MMP26: variants seen among roughly 807,000 people sequenced by gnomAD.
The protein encoded by MMP26 is matrix metallopeptidase 26, also known as matrix metalloproteinase-26.
MMP26 carries 33 observed loss-of-function variants against 31.0 expected under a neutral mutation model. The ratio of observed to expected loss-of-function variants is 1.06; its 90% CI spans 0.81 to 1.42. The LOEUF (loss-of-function observed/expected upper bound fraction) is 1.42. MMP26 is among the 40% of genes most tolerant of loss of function. The pLI is 0.00. For missense variants in MMP26, 347 were observed against 316.1 expected, an observed-to-expected ratio of 1.10 and a Z score of -0.74; for synonymous variants, 122 against 114.9, an observed-to-expected ratio of 1.06 and a Z score of -0.40.
At chr11:4,749,075 G>T (rs1479721431) in intron 1 of MMP26, among the ~76,000 whole-genome samples, 1 of 152,022 alleles carries the variant, frequency 6.6e-6, no homozygotes, top group African/African-American at 2.4e-5. Flanking sequence ...TCCTAGATTT[G>T]ATAAATACAT....
chr11:4,937,481 T>C (rs965300516), intron 2 of MMP26: 1 of 152,924 alleles, frequency 6.5e-6, no homozygotes, highest in Admixed American at 6.6e-5. Flanking sequence ...ACGTGGATCA[T>C]AGGAGACACA....
intron 2 of MMP26, among the ~76,000 whole-genome samples, chr11:4,881,238 A>G (rs1316875333): frequency 6.6e-6 from 1 of 152,090 alleles, no homozygotes; most frequent in Non-Finnish European, 1.5e-5. Context: ...AGCAAACGGA[A>G]CCACTGTCTC....
chr11:4,737,948 C>T, intron 1 of MMP26, among the ~76,000 whole-genome samples: 1 of 152,184 alleles, frequency 6.6e-6, no homozygotes, highest in East Asian at 1.9e-4. Context: ...TCCTGAGTGG[C>T]TAGGACTACA....
Position 4,827,041 on chromosome 11 carries a change from T to C in MMP26, c.-145+59700T>C, listed in dbSNP as rs546729041. Reference sequence around the variant, plus strand: ...GATATTTCATCATTCAGTGTCAGTCTTGGGGCAAGAAACAAGAGGTACATG... The same window carrying C: ...GATATTTCATCATTCAGTGTCAGTCCTGGGGCAAGAAACAAGAGGTACATG... On this transcript the variant is annotated intron_variant, in intron 2 of 7. Transcript: ENST00000380390. Among the ~76,000 whole-genome samples, 8 of 151,676 alleles carry C rather than the reference T, an allele frequency of 5.3e-5. 1 individual carries two copies. The East Asian group carries it at 1.5e-3, about 29-fold the overall frequency.
intron 2 of MMP26, chr11:4,915,615 A>C (rs774538015): frequency 6.2e-7 from 1 of 1,614,028 alleles, no homozygotes; most frequent in South Asian, 1.1e-5. Flanking sequence ...CTCAGCAGGA[A>C]GGTAGCAGAA....
chr11:4,821,399 C>A, intron 2 of MMP26: 1 of 1,613,248 alleles, frequency 6.2e-7, no homozygotes, highest in Middle Eastern at 1.7e-4. Context: ...ACTGAAACAT[C>A]CCTGTCTTCT....
chr11:4,932,250 G>A (rs1234663037), intron 2 of MMP26, among the ~76,000 whole-genome samples: 1 of 152,066 alleles, frequency 6.6e-6, no homozygotes, highest in Non-Finnish European at 1.5e-5. Context: ...TGTATAAACG[G>A]CAGCTCCAAA....
At chr11:4,946,270 C>T in intron 2 of MMP26, 1 of 1,613,898 alleles carries the variant, frequency 6.2e-7, no homozygotes, top group South Asian at 1.1e-5. Flanking sequence ...GAACATTTGC[C>T]ATGAGAACAT....
At chr11:4,935,836 A>G (rs1176783735) in intron 2 of MMP26, among the ~76,000 whole-genome samples, 1 of 151,492 alleles carries the variant, frequency 6.6e-6, no homozygotes, top group Non-Finnish European at 1.5e-5. Flanking sequence ...TGAGATAATC[A>G]TGTGATTTTT....
intron 2 of MMP26, among the ~76,000 whole-genome samples, chr11:4,888,733 G>C (rs1480420424): frequency 6.6e-6 from 1 of 152,108 alleles, no homozygotes; most frequent in African/African-American, 2.4e-5. Context: ...AAGAATTCCT[G>C]GTTCTACTTA....
At position 4,897,434 on chromosome 11, in the gene MMP26, G is replaced by A. The variant is rs553455148; in HGVS notation, c.-144-90634G>A. ...ATTACAGGCATAAGCCATCATGCCC[G>A]GCCTATATTTTTAATCCATTGTGAC... On this transcript the variant is annotated intron_variant, in intron 2 of 7. Coordinates refer to ENST00000380390, the MANE Select transcript of MMP26 (RefSeq NM_021801.5). Among the ~76,000 whole-genome samples, 4 of 152,180 alleles carry A rather than the reference G, an allele frequency of 2.6e-5. No homozygotes were observed. In the South Asian group the frequency reaches 6.2e-4, roughly 24 times the overall value.
At chr11:4,786,121 G>A (rs1337449781) in intron 2 of MMP26, among the ~76,000 whole-genome samples, 1 of 152,078 alleles carries the variant, frequency 6.6e-6, no homozygotes, top group Non-Finnish European at 1.5e-5. Flanking sequence ...TCCTCTCTCA[G>A]CCTGGGTGTG....
At chr11:4,777,022 T>A (rs1013977951) in intron 2 of MMP26, among the ~76,000 whole-genome samples, 2 of 152,192 alleles carry the variant, frequency 1.3e-5, no homozygotes, top group African/African-American at 2.4e-5. Flanking sequence ...ACTTGTGATA[T>A]AAAGATTGAA....
intron 1 of MMP26, among the ~76,000 whole-genome samples, chr11:4,742,916 C>G (rs1848333620): frequency 6.6e-6 from 1 of 151,910 alleles, no homozygotes; most frequent in Admixed American, 6.6e-5. Context: ...AGGGTATTAG[C>G]CATGCAAGAT....
At chr11:4,741,981 G>A (rs573340388) in intron 1 of MMP26, among the ~76,000 whole-genome samples, 11 of 152,250 alleles carry the variant, frequency 7.2e-5, no homozygotes, top group South Asian at 2.1e-4. Flanking sequence ...TGATCTGTGC[G>A]CCATACAGAG....
intron 2 of MMP26, among the ~76,000 whole-genome samples, chr11:4,928,791 C>T (rs889068712): frequency 3.9e-5 from 6 of 152,158 alleles, no homozygotes; most frequent in Admixed American, 3.9e-4. Flanking sequence ...ACACACTTCT[C>T]GCTTTAACAC....
chr11:4,953,551 A>T (rs12795356), intron 2 of MMP26, among the ~76,000 whole-genome samples: 28,745 of 124,186 alleles, frequency 0.23, 8,991 homozygotes, highest in Non-Finnish European at 0.25. Flanking sequence ...AATTAAGCCA[A>T]CATTTAAAGA....
chr11:4,986,489 T>A (rs548614980), intron 2 of MMP26, among the ~76,000 whole-genome samples: 2 of 136,904 alleles, frequency 1.5e-5, no homozygotes, highest in African/African-American at 5.4e-5. Flanking sequence ...CTGGGACAAG[T>A]GAGCACCACC....
At chr11:4,724,266 A>G (rs1338290237) in intron 1 of MMP26, 1 of 375,362 alleles carries the variant, frequency 2.7e-6, no homozygotes, top group Non-Finnish European at 4.9e-6. Context: ...TGCTTCTGCC[A>G]GCATTTAAAA....
Sources: allele counts gnomAD v4.1 joint callset (sites outside exome capture counted in the v4.1 genomes callset), GRCh38; gene constraint gnomAD v4.1.1; transcripts MANE v1.5; gene names NCBI Gene and HGNC (gene_info 2026-07-23, HGNC 2026-07-21).